The following MEI4 variants were observed in gnomAD, a reference collection of about 807,000 sequenced individuals.
The protein encoded by MEI4 is meiotic double-stranded break formation protein 4, also known as meiosis-specific protein MEI4.
MEI4 carries 27 observed loss-of-function variants against 31.4 expected under a neutral mutation model. That is an observed-to-expected ratio of 0.86 (90% confidence interval 0.63 to 1.19). The LOEUF (loss-of-function observed/expected upper bound fraction) is 1.19, where lower values mean the gene tolerates loss of function less well. MEI4 is among the 50% of genes most tolerant of loss of function. The pLI is 0.00. For missense variants in MEI4, 329 were observed against 398.9 expected (o/e 0.82, Z 1.49); for synonymous variants, 122 against 145.4 (o/e 0.84, Z 1.16).
intron 4 of MEI4, among the ~76,000 whole-genome samples, chr6:77,918,064 G>T (rs1170235211): frequency 6.6e-6 from 1 of 151,160 alleles, no homozygotes; most frequent in Non-Finnish European, 1.5e-5. Flanking sequence ...GTTTGTCAAA[G>T]ATCAGATAGT....
rs139503858 is a variant in MEI4 at position 77,778,972 on chromosome 6, G to C, written c.768+17307G>C. Reference sequence around the variant, plus strand: ...ATAATTGTAAGATGACTGTAAGACAGATTTGCAAAGCAAAGCAAATCAGTG... The same window carrying C: ...ATAATTGTAAGATGACTGTAAGACACATTTGCAAAGCAAAGCAAATCAGTG... On this transcript the variant is annotated intron_variant, in intron 3 of 4. Coordinates refer to ENST00000684080, the MANE Select transcript of MEI4 (RefSeq NM_001322247.2). Among the ~76,000 whole-genome samples, 71 of 152,266 alleles carry C rather than the reference G, an allele frequency of 4.7e-4. No homozygotes were observed. In the East Asian group the frequency reaches 0.011, roughly 24 times the overall value.
intron 2 of MEI4, among the ~76,000 whole-genome samples, chr6:77,731,703 C>A (rs1055171275): frequency 6.6e-6 from 1 of 151,252 alleles, no homozygotes; most frequent in African/African-American, 2.4e-5. Context: ...AGTCCTTGCC[C>A]ATGCCTATGT....
In MEI4 at chr6:77,895,829, C is replaced by T. The variant is rs535997060; in HGVS notation, c.901-27260C>T. ...CGTAAAGTTTTAAATTTCTAAGTAC[C>T]GCCAGCTGAGTTAGTCCTTAGAGAA... On this transcript the variant is annotated intron_variant, in intron 4 of 4. Coordinates refer to ENST00000684080, the MANE Select transcript of MEI4 (RefSeq NM_001322247.2). Among the ~76,000 whole-genome samples, 5 of 152,110 alleles carry T rather than the reference C, an allele frequency of 3.3e-5. No homozygotes were observed. In the South Asian group the frequency reaches 6.2e-4, roughly 19 times the overall value.
chr6:77,735,653 C>A (rs905017412), intron 2 of MEI4, among the ~76,000 whole-genome samples: 1 of 152,060 alleles, frequency 6.6e-6, no homozygotes, highest in South Asian at 2.1e-4. Flanking sequence ...CATTCTCTGT[C>A]CAGCTTTGTT....
intron 4 of MEI4, among the ~76,000 whole-genome samples, chr6:77,848,606 G>A (rs1405437598): frequency 2.0e-5 from 3 of 152,126 alleles, no homozygotes; most frequent in African/African-American, 4.8e-5. Context: ...GGACCTCGGG[G>A]AAAGTGCACT....
intron 4 of MEI4, among the ~76,000 whole-genome samples, chr6:77,897,697 A>G (rs1438340928): frequency 6.6e-6 from 1 of 151,986 alleles, no homozygotes; most frequent in African/African-American, 2.4e-5. Context: ...TGGATTCAAC[A>G]TTTTAGGCAG....
rs1769755768 is a variant in MEI4 at position 77,819,105 on chromosome 6, A to T, written c.769-9826A>T. 2.0e-5 allele frequency among the ~76,000 whole-genome samples: 3 copies of T among 152,162 alleles called. No homozygotes were observed. The South Asian group carries it at 6.2e-4, about 32-fold the overall frequency. On this transcript the variant is annotated intron_variant, in intron 3 of 4. Transcript: ENST00000684080. ...ACTTTTATTCTTTTACATTATTTCA[A>T]TATTATGTTCTAATTGAATAGGTAT... is the stretch of plus-strand genomic sequence containing the variant.
intron 4 of MEI4, among the ~76,000 whole-genome samples, chr6:77,906,142 A>C (rs924051665): frequency 2.0e-5 from 3 of 152,054 alleles, no homozygotes; most frequent in African/African-American, 7.2e-5. Flanking sequence ...TCCTTAAAAT[A>C]ATTATTTTTA....
At chr6:77,889,727 G>T (rs1771711881) in intron 4 of MEI4, among the ~76,000 whole-genome samples, 1 of 152,212 alleles carries the variant, frequency 6.6e-6, no homozygotes, top group Non-Finnish European at 1.5e-5. Flanking sequence ...CACAGGCCTG[G>T]AGTCCTAGAA....
intron 1 of MEI4, among the ~76,000 whole-genome samples, chr6:77,671,383 A>T (rs1272649776): frequency 6.6e-6 from 1 of 151,986 alleles, no homozygotes; most frequent in African/African-American, 2.4e-5. Context: ...TTTCAATTCC[A>T]TATGTTTATT....
At chr6:77,746,221 C>T (rs960133010) in intron 2 of MEI4, among the ~76,000 whole-genome samples, 1 of 152,056 alleles carries the variant, frequency 6.6e-6, no homozygotes, top group Non-Finnish European at 1.5e-5. Flanking sequence ...TGATAGACCG[C>T]TAGCAAGACT....
At chr6:77,766,446 C>T (rs1768176775) in intron 3 of MEI4, among the ~76,000 whole-genome samples, 1 of 152,108 alleles carries the variant, frequency 6.6e-6, no homozygotes, top group Non-Finnish European at 1.5e-5. Flanking sequence ...CGGAGTCTCT[C>T]TCTGTTGCCC....
intron 4 of MEI4, among the ~76,000 whole-genome samples, chr6:77,846,766 T>C (rs190658744): frequency 5.3e-5 from 8 of 152,274 alleles, no homozygotes; most frequent in Non-Finnish European, 1.2e-4. Flanking sequence ...CCGTTAACTA[T>C]AGTGCTTTTT....
At chr6:77,784,664 T>C (rs1301433738) in intron 3 of MEI4, among the ~76,000 whole-genome samples, 1 of 152,154 alleles carries the variant, frequency 6.6e-6, no homozygotes, top group Non-Finnish European at 1.5e-5. Context: ...AAAGCACTTT[T>C]AAAATTTGCA....
chr6:77,708,280 C>G (rs528517700), intron 2 of MEI4, among the ~76,000 whole-genome samples: 1 of 152,290 alleles, frequency 6.6e-6, no homozygotes, highest in Admixed American at 6.5e-5. Context: ...TTTTTTGAAA[C>G]TTTAAGATTT....
chr6:77,841,120 G>T (rs1336518781), intron 4 of MEI4, among the ~76,000 whole-genome samples: 1 of 151,530 alleles, frequency 6.6e-6, no homozygotes, highest in Non-Finnish European at 1.5e-5. Flanking sequence ...AGACCATGTT[G>T]CTTTTATTAC....
intron 4 of MEI4, among the ~76,000 whole-genome samples, chr6:77,885,342 T>C (rs1771593726): frequency 6.6e-6 from 1 of 152,004 alleles, no homozygotes; most frequent in Non-Finnish European, 1.5e-5. Flanking sequence ...TGCACCACCA[T>C]GCCCAGCTAA....
intron 2 of MEI4, among the ~76,000 whole-genome samples, chr6:77,732,934 G>A (rs1166274255): frequency 1.3e-5 from 2 of 150,916 alleles, no homozygotes; most frequent in Non-Finnish European, 2.9e-5. Flanking sequence ...TACATTTATT[G>A]ATTTGCATAT....
At chr6:77,853,453 G>T (rs1223104210) in intron 4 of MEI4, among the ~76,000 whole-genome samples, 3 of 152,076 alleles carry the variant, frequency 2.0e-5, no homozygotes, top group Non-Finnish European at 4.4e-5. Flanking sequence ...GCAATTTCAG[G>T]GATTTGTGGC....
Sources: allele counts gnomAD v4.1 joint callset (sites outside exome capture counted in the v4.1 genomes callset), GRCh38; gene constraint gnomAD v4.1.1; transcripts MANE v1.5; gene names NCBI Gene and HGNC (gene_info 2026-07-23, HGNC 2026-07-21).